Variants in MAP2K2 observed in about 807,000 individuals in gnomAD.
MAP2K2 encodes the protein mitogen-activated protein kinase kinase 2.
In MAP2K2, 24 loss-of-function variants were observed where a neutral mutation model predicts 43.7. The ratio of observed to expected loss-of-function variants is 0.55; its 90% confidence interval spans 0.40 to 0.77. The LOEUF (loss-of-function observed/expected upper bound fraction) is 0.77. MAP2K2 is among the 30% of genes least tolerant of loss of function. The probability of loss-of-function intolerance (pLI) is 0.00; values close to 1 mark genes in which losing one functional copy is unlikely to be tolerated. For missense variants in MAP2K2, 470 were observed against 566.8 expected (o/e 0.83, Z 1.73); for synonymous variants, 244 against 239.7 (o/e 1.02, Z -0.17).
At position 4,115,096 on chromosome 19, in the gene MAP2K2, T is replaced by C. The variant is rs1016953167; in HGVS notation, c.303+2323A>G. Among the ~76,000 whole-genome samples the C allele has an allele frequency of 6.6e-6, 1 of 152,086 alleles. No individual in the cohort carries two copies. Among genetic ancestry groups the C allele is most frequent in the African/African-American group, 2.4e-5 (1 of 41,414 alleles). On this transcript the variant is annotated intron_variant, in intron 2 of 10. Coordinates refer to ENST00000262948, the MANE Select transcript of MAP2K2 (RefSeq NM_030662.4). The surrounding 1 kb of genome is among the most constrained non-coding windows in gnomAD (Gnocchi z 4.1). ...AGAAAACCTAATTTTGAAAGAATTA[T>C]AGAAGCACAGGAAGTTGCAAAAATA...
intron 4 of MAP2K2, among the ~76,000 whole-genome samples, chr19:4,102,102 C>T (rs180881023): frequency 1.5e-3 from 229 of 152,272 alleles, no homozygotes; most frequent in Non-Finnish European, 2.2e-3. Flanking sequence ...CCCCCTGCCA[C>T]GAGGGGCAGA....
intron 9 of MAP2K2, 186 bp from the exon 10 acceptor site, chr19:4,094,684 T>C (rs368502889): frequency 4.7e-5 from 29 of 616,308 alleles, no homozygotes; most frequent in African/African-American, 4.0e-4. Context: ...GATCCACCTC[T>C]GCACTTTGGT....
chr19:4,098,173 G>A lies in MAP2K2; in HGVS notation c.920-830C>T, dbSNP rs1208458932. ...GGCGTGGATGACCCTTGAGGACACTGCGCTCCAGGAGAGAAGCCACACACA... is the reference window on the plus strand; with the variant it reads ...GGCGTGGATGACCCTTGAGGACACTACGCTCCAGGAGAGAAGCCACACACA... On this transcript the variant is annotated intron_variant, in intron 7 of 10. Coordinates refer to ENST00000262948, the MANE Select transcript of MAP2K2 (RefSeq NM_030662.4). Among the ~76,000 whole-genome samples, 3 of 152,216 alleles carry A rather than the reference G, an allele frequency of 2.0e-5. No individual in the cohort carries two copies. In the East Asian group the frequency reaches 5.8e-4, roughly 29 times the overall value.
At chr19:4,119,920 C>T (rs1378301608) in intron 1 of MAP2K2, among the ~76,000 whole-genome samples, 2 of 152,254 alleles carry the variant, frequency 1.3e-5, no homozygotes, top group Non-Finnish European at 2.9e-5. Context: ...CTGGAAGTGG[C>T]GTAAGCCACG....
At chr19:4,117,689 C>T (rs2145081175) in intron 1 of MAP2K2, 60 bp from the exon 2 acceptor site, 1 of 1,517,128 alleles carries the variant, frequency 6.6e-7, no homozygotes, top group Non-Finnish European at 9.1e-7. Flanking sequence ...TGGCCGTTTG[C>T]TATGTGGCCG....
chr19:4,101,266 C>T lies in MAP2K2; in HGVS notation c.543G>A (p.Leu181=), dbSNP rs1218585349. ...GKVSIAVLRG[L]AYLREKHQIM... ...TCTGGTGCTTCTCTCGGAGGTACGC[C>T]AAGCCCCGGAGAACCTGCAGGGGAG... Residue 181 remains leucine, a synonymous_variant, in exon 5 of 11, where the codon TTG becomes TTA. Transcript: ENST00000262948. The surrounding 1 kb of genome is among the most constrained non-coding windows in gnomAD (Gnocchi z 6.3). The T allele has an allele frequency of 1.3e-6, 2 of 1,582,762 alleles. No individual in the cohort carries two copies. The highest frequency in any genetic ancestry group is 2.3e-5 in the East Asian group (1 of 43,360).
At chr19:4,116,345 A>G (rs2041220472) in intron 2 of MAP2K2, among the ~76,000 whole-genome samples, 2 of 152,134 alleles carry the variant, frequency 1.3e-5, no homozygotes, top group Non-Finnish European at 2.9e-5. Context: ...AGCCTGGCCA[A>G]CACGGTGAAC....
intron 1 of MAP2K2, among the ~76,000 whole-genome samples, chr19:4,118,728 G>A (rs1371471912): frequency 6.6e-6 from 1 of 152,172 alleles, no homozygotes; most frequent in Non-Finnish European, 1.5e-5. Flanking sequence ...ACTGCAGTGA[G>A]CCATGATCGT....
chr19:4,105,991 C>A (rs1005428146), intron 3 of MAP2K2, among the ~76,000 whole-genome samples: 1 of 152,068 alleles, frequency 6.6e-6, no homozygotes, highest in Middle Eastern at 3.2e-3. Context: ...AACACAGACT[C>A]GGGACTCACT....
At chr19:4,102,622 C>T (rs1172807767) in intron 3 of MAP2K2, 169 bp from the exon 4 acceptor site, 1 of 903,154 alleles carries the variant, frequency 1.1e-6, no homozygotes, top group Non-Finnish European at 1.7e-6. Flanking sequence ...ACAGTTCTGC[C>T]TTTGGGTCTG....
chr19:4,104,237 C>T (rs1486117733), intron 3 of MAP2K2, among the ~76,000 whole-genome samples: 3 of 147,932 alleles, frequency 2.0e-5, no homozygotes, highest in Admixed American at 6.7e-5. Flanking sequence ...TTCTCTCTCG[C>T]CTGGGCGAGA....
chr19:4,101,265 C>T lies in MAP2K2; in HGVS notation c.544G>A (p.Ala182Thr), dbSNP rs2145055212. The change falls in exon 5 of 11, where the codon GCG (alanine) becomes ACG (threonine). Residue 182 changes from alanine to threonine, a missense_variant. Physicochemically the swap from Ala to Thr is moderately conservative, Grantham distance 58. Around this residue, in one of 3 missense-constraint regions of MAP2K2, gnomAD observed 200 missense variants for 297.9 expected, o/e 0.67. Coordinates refer to ENST00000262948, the MANE Select transcript of MAP2K2 (RefSeq NM_030662.4). This position sits in a 1 kb window ranked among gnomAD's most constrained non-coding sequence, Gnocchi z 6.3. ...KVSIAVLRGL[A>T]YLREKHQIMH... ...ATCTGGTGCTTCTCTCGGAGGTACG[C>T]CAAGCCCCGGAGAACCTGCAGGGGA... 1 of 1,583,276 alleles carries T rather than the reference C, an allele frequency of 6.3e-7. No homozygotes were observed. The highest frequency in any genetic ancestry group is 1.2e-5 in the South Asian group (1 of 86,436).
At chr19:4,111,617 C>T (rs746243609) in intron 2 of MAP2K2, among the ~76,000 whole-genome samples, 2 of 152,164 alleles carry the variant, frequency 1.3e-5, no homozygotes, top group African/African-American at 2.4e-5. Flanking sequence ...AAGTTGACCC[C>T]GGTGCCACTT....
chr19:4,121,508 C>T (rs2041292187), intron 1 of MAP2K2, among the ~76,000 whole-genome samples: 1 of 148,472 alleles, frequency 6.7e-6, no homozygotes, highest in Non-Finnish European at 1.5e-5. Context: ...CCCATCCTGA[C>T]CCCCTCAGAA....
At chr19:4,095,062 G>C in intron 9 of MAP2K2, 1 of 371,068 alleles carries the variant, frequency 2.7e-6, no homozygotes, top group Non-Finnish European at 5.0e-6. Context: ...GGCGGATCCC[G>C]GGGAGCCCAC....
chr19:4,113,299 G>A (rs1368961226), intron 2 of MAP2K2, among the ~76,000 whole-genome samples: 26 of 152,148 alleles, frequency 1.7e-4, no homozygotes, highest in Admixed American at 6.6e-5. Flanking sequence ...TGCACAGGGC[G>A]GCTGCGGCGT....
intron 1 of MAP2K2, among the ~76,000 whole-genome samples, chr19:4,122,707 C>G (rs2041316978): frequency 6.6e-6 from 1 of 150,950 alleles, no homozygotes; most frequent in Non-Finnish European, 1.5e-5. Flanking sequence ...TCTCCCCTCA[C>G]TCCAATCTCA....
At chr19:4,102,131 C>T (rs1283380933) in intron 4 of MAP2K2, among the ~76,000 whole-genome samples, 1 of 152,176 alleles carries the variant, frequency 6.6e-6, no homozygotes. Flanking sequence ...GTGTGGCAAA[C>T]AGAGGATACT....
In MAP2K2 at chr19:4,095,355, G is replaced by A. The variant is rs201128231; in HGVS notation, c.1046+33C>T. ...GGAAGGAGTGGCACATCTGGGTCCC[G>A]GCCAGGGGTGTGGGCAGCCCGGCTC... is the stretch of plus-strand genomic sequence containing the variant. On this transcript the variant is annotated intron_variant, in intron 9 of 10. Coordinates refer to ENST00000262948, the MANE Select transcript of MAP2K2 (RefSeq NM_030662.4). 112 of 1,547,544 alleles carry A rather than the reference G, an allele frequency of 7.2e-5. 2 individuals are homozygous for A. Among genetic ancestry groups the A allele is most frequent in the South Asian group, 5.7e-4 (48 of 83,894 alleles).
Sources: allele counts gnomAD v4.1 joint callset (sites outside exome capture counted in the v4.1 genomes callset), GRCh38; gene constraint gnomAD v4.1.1; regional missense constraint gnomAD v4.1.1; non-coding constraint Gnocchi (gnomAD v3.1); transcripts MANE v1.5; gene names NCBI Gene and HGNC (gene_info 2026-07-23, HGNC 2026-07-21).